Variants in KIF6 observed in about 807,000 individuals in gnomAD.
KIF6 encodes kinesin-like protein KIF6.
In KIF6, 106 loss-of-function variants were observed where a neutral mutation model predicts 112.7. The observed-to-expected ratio is 0.94, with a 90% CI of 0.80 to 1.11. The LOEUF (loss-of-function observed/expected upper bound fraction) is 1.11. KIF6 is among the 50% of genes least tolerant of loss of function. The pLI, the probability that KIF6 is intolerant of heterozygous loss-of-function variation, is 0.00. For missense variants in KIF6, 929 were observed against 964.0 expected, an observed-to-expected ratio of 0.96 and a Z score of 0.48; for synonymous variants, 339 against 339.9, an observed-to-expected ratio of 1.00 and a Z score of 0.03.
chr6:39,544,030 T>C (rs1015314768), intron 12 of KIF6, among the ~76,000 whole-genome samples: 3 of 152,246 alleles, frequency 2.0e-5, no homozygotes, highest in African/African-American at 7.2e-5. Flanking sequence ...AGATCTGGCT[T>C]TTAAATAAAA....
intron 15 of KIF6, among the ~76,000 whole-genome samples, chr6:39,411,157 C>A (rs926572647): frequency 6.6e-6 from 1 of 152,192 alleles, no homozygotes; most frequent in Non-Finnish European, 1.5e-5. Context: ...CAGGGAAGAC[C>A]AAAGCCATGA....
chr6:39,398,773 TTATC>T (rs1285602792), intron 15 of KIF6, among the ~76,000 whole-genome samples: 1 of 152,226 alleles, frequency 6.6e-6, no homozygotes, highest in East Asian at 1.9e-4. Context: ...TTCATACAGT[TTATC>T]TATGCCTAAA....
chr6:39,400,615 T>G (rs1106961), intron 15 of KIF6, among the ~76,000 whole-genome samples: 5,448 of 152,164 alleles, frequency 0.036, 219 homozygotes, highest in East Asian at 0.23. Context: ...AGTTCTTGCT[T>G]TGGGGGAGTC....
At chr6:39,388,895 T>C (rs1262718526) in intron 15 of KIF6, among the ~76,000 whole-genome samples, 1 of 152,128 alleles carries the variant, frequency 6.6e-6, no homozygotes, top group African/African-American at 2.4e-5. Context: ...ACCAAAAGGG[T>C]AGGGGAGGGA....
chr6:39,480,885 G>A (rs1312427240), intron 13 of KIF6, among the ~76,000 whole-genome samples: 1 of 152,076 alleles, frequency 6.6e-6, no homozygotes, highest in Non-Finnish European at 1.5e-5. Flanking sequence ...TTGTATTTCT[G>A]TCATGTCAGT....
At chr6:39,663,673 A>G (rs1048923239) in intron 3 of KIF6, among the ~76,000 whole-genome samples, 5 of 152,212 alleles carry the variant, frequency 3.3e-5, no homozygotes, top group Non-Finnish European at 7.4e-5. Context: ...GTCACTTCTA[A>G]GACATGAGCT....
intron 9 of KIF6, among the ~76,000 whole-genome samples, chr6:39,583,799 T>C (rs1385630456): frequency 2.0e-5 from 3 of 150,744 alleles, no homozygotes; most frequent in Admixed American, 6.6e-5. Context: ...ATCTTAATTA[T>C]GGAATTTGAT....
intron 3 of KIF6, among the ~76,000 whole-genome samples, chr6:39,666,753 T>C (rs1326551043): frequency 6.6e-6 from 1 of 152,186 alleles, no homozygotes; most frequent in African/African-American, 2.4e-5. Context: ...ATTGAACAAT[T>C]TGGCAGGGGA....
rs1254703718 is a variant in KIF6 at position 39,584,971 on chromosome 6, G to A, written c.1004C>T (p.Thr335Ile). The change falls in exon 9 of 23, where the codon ACC becomes ATC. Residue 335 changes from threonine to isoleucine, a missense_variant. By Grantham distance (89) the Thr-to-Ile change is moderately conservative. Around this residue, in one of 2 missense-constraint regions of KIF6, gnomAD observed 688 missense variants for 662.7 expected, o/e 1.04. Transcript: ENST00000287152. Reference sequence around the variant, plus strand: ...TGCCACTCGCTGTGCAAATCTGCAGGTTGATATAGACTCCTAAGAAAGCAA... The same window carrying A: ...TGCCACTCGCTGTGCAAATCTGCAGATTGATATAGACTCCTAAGAAAGCAA... ...EKRNLDESIS[T>I]CRFAQRVALI... The A allele has an allele frequency of 1.9e-6, 3 of 1,604,986 alleles. No individual in the cohort carries two copies. Among genetic ancestry groups the A allele is most frequent in the Non-Finnish European group, 2.6e-6 (3 of 1,172,220 alleles).
At chr6:39,673,876 A>C (rs2150836058) in intron 3 of KIF6, among the ~76,000 whole-genome samples, 1 of 152,312 alleles carries the variant, frequency 6.6e-6, no homozygotes, top group East Asian at 1.9e-4. Flanking sequence ...CTGTTTGTCT[A>C]ACAAATCTTG....
At chr6:39,450,366 G>A (rs1772609700) in intron 13 of KIF6, among the ~76,000 whole-genome samples, 1 of 152,216 alleles carries the variant, frequency 6.6e-6, no homozygotes, top group Non-Finnish European at 1.5e-5. Context: ...GAGGGATATA[G>A]TCGATACGGA....
At chr6:39,503,574 C>A (rs1167768971) in intron 13 of KIF6, among the ~76,000 whole-genome samples, 1 of 151,102 alleles carries the variant, frequency 6.6e-6, no homozygotes, top group African/African-American at 2.4e-5. Flanking sequence ...AAATAGACAA[C>A]TAAGCTAGAA....
chr6:39,406,782 T>C (rs1349472625), intron 15 of KIF6, among the ~76,000 whole-genome samples: 3 of 152,212 alleles, frequency 2.0e-5, no homozygotes, highest in South Asian at 4.1e-4. Context: ...AAGTTCTCAC[T>C]CTCTTACCCA....
At chr6:39,439,342 T>C (rs1023243603) in intron 13 of KIF6, among the ~76,000 whole-genome samples, 6 of 152,112 alleles carry the variant, frequency 3.9e-5, no homozygotes, top group African/African-American at 1.2e-4. Context: ...CATTTCTTAG[T>C]TGTTTGCTTT....
intron 16 of KIF6, among the ~76,000 whole-genome samples, chr6:39,370,469 C>G (rs1160623206): frequency 2.0e-5 from 3 of 152,108 alleles, no homozygotes; most frequent in Non-Finnish European, 4.4e-5. Flanking sequence ...GAAAACATAC[C>G]TGCTACTAGC....
Position 39,343,304 on chromosome 6 carries a change from C to T in KIF6, c.2428+405G>A. The T allele has an allele frequency of 1.5e-6, 2 of 1,292,944 alleles. No individual in the cohort carries two copies. The highest frequency in any genetic ancestry group is 2.0e-6 in the Non-Finnish European group (2 of 991,060). 80.1% of individuals were successfully genotyped at this position (1,292,944 alleles called of 1,614,324 possible). A position where few individuals can be genotyped will look rare whatever the true frequency, so the allele number is the denominator to read the frequency against. On this transcript the variant is annotated intron_variant, in intron 22 of 22. Coordinates refer to ENST00000287152, the MANE Select transcript of KIF6 (RefSeq NM_145027.6). The surrounding 1 kb of genome is among the most constrained non-coding windows in gnomAD (Gnocchi z 4.1). The stretch of plus-strand genomic sequence containing the variant: ...ACAGCTCTTTGGCAAGAACCACACT[C>T]TGATAGGGGAGTGAGACTTTAAGCC...
intron 15 of KIF6, among the ~76,000 whole-genome samples, chr6:39,398,148 G>C (rs1581763656): frequency 6.6e-6 from 1 of 152,170 alleles, no homozygotes; most frequent in African/African-American, 2.4e-5. Flanking sequence ...AAAAATATTT[G>C]TAGGGACTTT....
chr6:39,533,077 G>C (rs995652234), intron 13 of KIF6, among the ~76,000 whole-genome samples: 13 of 152,226 alleles, frequency 8.5e-5, no homozygotes, highest in African/African-American at 2.9e-4. Context: ...CTCCCAGCGT[G>C]AGCGACGCAG....
chr6:39,551,396 T>C (rs978147931), intron 10 of KIF6, among the ~76,000 whole-genome samples: 5 of 152,122 alleles, frequency 3.3e-5, no homozygotes, highest in Non-Finnish European at 7.4e-5. Flanking sequence ...TACAAAAATA[T>C]AGTCAGAAGG....
Sources: allele counts gnomAD v4.1 joint callset (sites outside exome capture counted in the v4.1 genomes callset), GRCh38; gene constraint gnomAD v4.1.1; regional missense constraint gnomAD v4.1.1; non-coding constraint Gnocchi (gnomAD v3.1); transcripts MANE v1.5; gene names NCBI Gene and HGNC (gene_info 2026-07-23, HGNC 2026-07-21).